CFAP61: variants seen among roughly 807,000 people sequenced by gnomAD.
CFAP61 encodes cilia- and flagella-associated protein 61.
In CFAP61, 107 loss-of-function variants were observed where a neutral mutation model predicts 135.6. That is an observed-to-expected ratio of 0.79 (90% CI 0.67 to 0.93). The LOEUF (loss-of-function observed/expected upper bound fraction) is 0.93, where lower values mean the gene tolerates loss of function less well. CFAP61 is among the 40% of genes least tolerant of loss of function. CFAP61 has a pLI of 0.00. For missense variants in CFAP61, 1,507 were observed against 1,556.2 expected (o/e 0.97, Z 0.53); for synonymous variants, 575 against 578.5 (o/e 0.99, Z 0.09).
chr20:20,130,926 G>A (rs114229724), intron 8 of CFAP61, among the ~76,000 whole-genome samples: 78 of 151,958 alleles, frequency 5.1e-4, no homozygotes, highest in African/African-American at 1.8e-3. Context: ...AAGTATACCT[G>A]ATGCCTTCCA....
intron 25 of CFAP61, among the ~76,000 whole-genome samples, chr20:20,336,460 G>C (rs779272685): frequency 6.6e-6 from 1 of 151,958 alleles, no homozygotes; most frequent in Non-Finnish European, 1.5e-5. Flanking sequence ...GTTTCTGAAA[G>C]ATTCCAAATA....
intron 21 of CFAP61, among the ~76,000 whole-genome samples, chr20:20,270,221 T>C (rs920165529): frequency 2.0e-5 from 3 of 152,188 alleles, no homozygotes; most frequent in Admixed American, 1.3e-4. Context: ...TTATTTCTTA[T>C]ACTCTTGAGA....
intron 13 of CFAP61, among the ~76,000 whole-genome samples, chr20:20,173,067 G>A (rs1011083979): frequency 4.0e-5 from 6 of 151,896 alleles, no homozygotes; most frequent in East Asian, 1.9e-4. Context: ...TTTTTTTCAC[G>A]GATTAGTATG....
At chr20:20,054,008 TG>T (rs370838249) in intron 1 of CFAP61, among the ~76,000 whole-genome samples, 90 of 108,492 alleles carry the variant, frequency 8.3e-4, no homozygotes, top group African/African-American at 2.2e-3. Flanking sequence ...GTGTTTTTTT[TG>T]TTTGTTTTTT....
At chr20:20,192,125 G>A (rs1474915148) in intron 15 of CFAP61, among the ~76,000 whole-genome samples, 1 of 151,918 alleles carries the variant, frequency 6.6e-6, no homozygotes, top group Non-Finnish European at 1.5e-5. Context: ...TTGTACCTAC[G>A]TGGATTCTAT....
Position 20,196,776 on chromosome 20 carries a change from G to C in CFAP61, c.1797G>C (p.Lys599Asn). 6.2e-7 allele frequency: 1 copy of C among 1,613,322 alleles called. No homozygotes were observed. The change falls in exon 16 of 27, where the codon AAG becomes AAC. Residue 599 changes from lysine to asparagine, a missense_variant and splice_region_variant. Coordinates refer to ENST00000245957, the MANE Select transcript of CFAP61 (RefSeq NM_015585.4). ...YRVYPKSREG[K>N]FQNPYAHSLT... ...TTTACCCAAAATCCAGAGAAGGCAA[G>C]GTAAGAGAATGGTGCAATTCACTTT...
At chr20:20,228,820 T>G (rs1047626471) in intron 18 of CFAP61, among the ~76,000 whole-genome samples, 1 of 152,180 alleles carries the variant, frequency 6.6e-6, no homozygotes, top group Non-Finnish European at 1.5e-5. Flanking sequence ...AAAAACCACC[T>G]GCAGCATTTG....
At chr20:20,268,355 C>G (rs1367087527) in intron 21 of CFAP61, among the ~76,000 whole-genome samples, 2 of 152,134 alleles carry the variant, frequency 1.3e-5, no homozygotes, top group Admixed American at 6.5e-5. Context: ...ATGGATTGTT[C>G]TAGAACAGTG....
chr20:20,176,270 C>G (rs970672332), intron 13 of CFAP61, among the ~76,000 whole-genome samples: 2 of 152,058 alleles, frequency 1.3e-5, no homozygotes, highest in Non-Finnish European at 2.9e-5. Context: ...GTAAATTAGT[C>G]CAACCATTGT....
chr20:20,346,496 C>T (rs139628579), intron 26 of CFAP61, among the ~76,000 whole-genome samples: 1,945 of 124,300 alleles, frequency 0.016, 51 homozygotes, highest in African/African-American at 0.057. Context: ...CCAGCCTGGG[C>T]GACAAGAGCA....
At chr20:20,115,740 A>G (rs1040680747) in intron 8 of CFAP61, among the ~76,000 whole-genome samples, 7 of 152,122 alleles carry the variant, frequency 4.6e-5, no homozygotes, top group East Asian at 1.9e-4. Flanking sequence ...GGGGCATCCA[A>G]TTCTATCCAT....
chr20:20,264,603 C>T (rs528696586), intron 21 of CFAP61, among the ~76,000 whole-genome samples: 2 of 152,244 alleles, frequency 1.3e-5, no homozygotes, highest in East Asian at 3.9e-4. Flanking sequence ...TTCTCTAATC[C>T]ATGGGTTGGT....
At chr20:20,341,951 T>C (rs1421780911) in intron 26 of CFAP61, 30 bp downstream of exon 26, 2 of 1,464,600 alleles carry the variant, frequency 1.4e-6, no homozygotes, top group East Asian at 4.5e-5. Flanking sequence ...ATGTGGATTA[T>C]TCCTTGCAAA....
chr20:20,171,805 A>T (rs1320864280), intron 13 of CFAP61: 14 of 710,224 alleles, frequency 2.0e-5, no homozygotes, highest in Non-Finnish European at 3.4e-5. Flanking sequence ...GAAGGAGTTC[A>T]TAGCATCACC....
chr20:20,142,296 A>G (rs924397056), intron 8 of CFAP61, among the ~76,000 whole-genome samples: 15 of 152,250 alleles, frequency 9.9e-5, no homozygotes, highest in Non-Finnish European at 1.2e-4. Context: ...ACGAAATAGA[A>G]AAGTGAGCAT....
intron 25 of CFAP61, 27 bp from the exon 26 acceptor site, chr20:20,341,804 T>C (rs760855575): frequency 2.5e-5 from 39 of 1,558,414 alleles, no homozygotes; most frequent in Admixed American, 5.1e-5. Context: ...GGTTGCCAGC[T>C]CACTGAGTCT....
chr20:20,306,590 G>A (rs186271854), intron 25 of CFAP61, among the ~76,000 whole-genome samples: 141 of 152,252 alleles, frequency 9.3e-4, no homozygotes, highest in Non-Finnish European at 1.4e-3. Flanking sequence ...TAAGAAATGA[G>A]GGAGGAAATT....
At chr20:20,314,694 A>T (rs1283109912) in intron 25 of CFAP61, among the ~76,000 whole-genome samples, 2 of 42,618 alleles carry the variant, frequency 4.7e-5, no homozygotes, top group African/African-American at 7.3e-5. Context: ...CCACCCCCCC[A>T]CCCCACAACA....
intron 26 of CFAP61, among the ~76,000 whole-genome samples, chr20:20,342,130 CA>C (rs1169290125): frequency 1.3e-5 from 2 of 152,150 alleles, no homozygotes; most frequent in East Asian, 3.8e-4. Flanking sequence ...TTATAGGGGG[CA>C]AATTTCTTTT....
Sources: allele counts gnomAD v4.1 joint callset (sites outside exome capture counted in the v4.1 genomes callset), GRCh38; gene constraint gnomAD v4.1.1; transcripts MANE v1.5; gene names NCBI Gene and HGNC (gene_info 2026-07-23, HGNC 2026-07-21).